Variants in MYT1L observed in about 807,000 individuals in gnomAD.
MYT1L encodes myelin transcription factor 1 like, also known as myelin transcription factor 1-like protein.
Under a neutral mutation model 126.7 loss-of-function variants are expected in MYT1L, and 12 were observed. The observed-to-expected ratio is 0.09, with a 90% confidence interval of 0.06 to 0.15. The LOEUF (loss-of-function observed/expected upper bound fraction) is 0.15, where lower values mean the gene tolerates loss of function less well. MYT1L is among the 10% of genes least tolerant of loss of function. MYT1L has a pLI of 1.00. For synonymous variants in MYT1L, 541 were observed against 604.2 expected, an observed-to-expected ratio of 0.90 and a Z score of 1.53; for missense variants, 979 against 1,585.2, an observed-to-expected ratio of 0.62 and a Z score of 6.49.
chr2:1,943,081 C>G lies in MYT1L; in HGVS notation c.406G>C (p.Glu136Gln). ...EGDREEEEEI[E>Q]EEDEDDDEDG... ...TCGTCATCGTCCTCATCCTCCTCCT[C>G]GATCTCCTCCTCCTCCTCCCGGTCC... Residue 136 changes from glutamate to glutamine, a missense_variant, in exon 9 of 25, where the codon GAG becomes CAG. By Grantham distance (29) the Glu-to-Gln change is conservative (BLOSUM62 2). Coordinates refer to ENST00000647738, the MANE Select transcript of MYT1L (RefSeq NM_001303052.2). This position sits in a 1 kb window ranked among gnomAD's most constrained non-coding sequence, Gnocchi z 4.4. 1.4e-6 allele frequency: 2 copies of G among 1,454,722 alleles called. No individual in the cohort carries two copies. The highest frequency in any genetic ancestry group is 2.5e-5 in the East Asian group (1 of 40,340). 90.1% of individuals were successfully genotyped at this position (1,454,722 alleles called of 1,614,324 possible). A position where few individuals can be genotyped will look rare whatever the true frequency, so the allele number is the denominator to read the frequency against.
chr2:2,119,343 A>G (rs986899544), intron 3 of MYT1L, among the ~76,000 whole-genome samples: 1 of 152,234 alleles, frequency 6.6e-6, no homozygotes, highest in Non-Finnish European at 1.5e-5. Flanking sequence ...ATAAATAGTA[A>G]TCTATGAAAA....
intron 14 of MYT1L, among the ~76,000 whole-genome samples, chr2:1,894,731 C>T (rs1039848138): frequency 6.6e-5 from 10 of 152,168 alleles, no homozygotes; most frequent in Admixed American, 2.0e-4. Context: ...GGTCGGCTGG[C>T]AACCTTGCAC....
intron 19 of MYT1L, among the ~76,000 whole-genome samples, chr2:1,844,578 A>G (rs2148450121): frequency 6.6e-6 from 1 of 152,296 alleles, no homozygotes; most frequent in Admixed American, 6.5e-5. Context: ...TGCTATGTAT[A>G]GGCTGTGCAG....
Position 1,910,190 on chromosome 2 carries a change from T to G in MYT1L, c.1817+50A>C, listed in dbSNP as rs1014597278. Reference sequence around the variant, plus strand: ...CGGGTGTCCCCAGCGCTCCGAGGTGTGGGGCAGACTATGGATAGAGCTCAC... The same window carrying G: ...CGGGTGTCCCCAGCGCTCCGAGGTGGGGGGCAGACTATGGATAGAGCTCAC... On this transcript the variant is annotated intron_variant, in intron 13 of 24. Coordinates refer to ENST00000647738, the MANE Select transcript of MYT1L (RefSeq NM_001303052.2). This position sits in a 1 kb window ranked among gnomAD's most constrained non-coding sequence, Gnocchi z 4.8. 45 of 1,537,448 alleles carry G rather than the reference T, an allele frequency of 2.9e-5. No homozygotes were observed. In the Middle Eastern group the frequency reaches 5.1e-4, roughly 17 times the overall value.
intron 18 of MYT1L, among the ~76,000 whole-genome samples, chr2:1,859,206 A>C (rs1420021336): frequency 6.6e-6 from 1 of 152,352 alleles, no homozygotes. Context: ...TACACATTTC[A>C]AAGTGTGAAG....
At chr2:1,895,960 C>A (rs2049510185) in intron 14 of MYT1L, among the ~76,000 whole-genome samples, 1 of 152,214 alleles carries the variant, frequency 6.6e-6, no homozygotes, top group South Asian at 2.1e-4. Context: ...TGCCTAATAT[C>A]TGACATCTAT....
At chr2:2,060,467 GATCT>G (rs1329242133) in intron 3 of MYT1L, among the ~76,000 whole-genome samples, 1 of 152,080 alleles carries the variant, frequency 6.6e-6, no homozygotes, top group African/African-American at 2.4e-5. Context: ...ATTCAAGAAT[GATCT>G]ATTACTTTAT....
chr2:1,947,867 G>A (rs1018058922), intron 8 of MYT1L, among the ~76,000 whole-genome samples: 1 of 152,238 alleles, frequency 6.6e-6, no homozygotes, highest in African/African-American at 2.4e-5. Flanking sequence ...AGCAGGGTTT[G>A]GTTTAATATG....
intron 2 of MYT1L, among the ~76,000 whole-genome samples, chr2:2,283,221 A>G (rs1428547178): frequency 3.3e-5 from 5 of 152,258 alleles, no homozygotes; most frequent in Non-Finnish European, 7.3e-5. Flanking sequence ...GAAGAATTTT[A>G]AACCAACATA....
chr2:1,821,256 C>T (rs759625620), intron 21 of MYT1L, among the ~76,000 whole-genome samples: 5 of 152,268 alleles, frequency 3.3e-5, no homozygotes, highest in Middle Eastern at 3.4e-3. Flanking sequence ...GCTCTACTCT[C>T]GCTACTTCTT....
At chr2:1,819,674 G>T (rs2148123529) in intron 21 of MYT1L, among the ~76,000 whole-genome samples, 1 of 152,360 alleles carries the variant, frequency 6.6e-6, no homozygotes, top group African/African-American at 2.4e-5. Context: ...ATGGTCCGAT[G>T]ATGTGATGCT....
At chr2:1,925,788 G>A (rs2054153485) in intron 9 of MYT1L, among the ~76,000 whole-genome samples, 2 of 152,128 alleles carry the variant, frequency 1.3e-5, no homozygotes, top group Admixed American at 1.3e-4. Context: ...TCTACAGCTC[G>A]GCGCCCATCA....
At chr2:1,973,692 A>T (rs2059966529) in intron 8 of MYT1L, among the ~76,000 whole-genome samples, 2 of 152,204 alleles carry the variant, frequency 1.3e-5, no homozygotes, top group African/African-American at 4.8e-5. Flanking sequence ...GGTTTCTTTC[A>T]ATGTATCCCT....
intron 2 of MYT1L, among the ~76,000 whole-genome samples, chr2:2,205,045 A>T (rs917578562): frequency 6.9e-6 from 1 of 144,934 alleles, no homozygotes; most frequent in Non-Finnish European, 1.5e-5. Context: ...TCTCACTCAC[A>T]GGTGGGAATT....
In MYT1L at chr2:1,899,270, G is replaced by A. The variant is rs999747403; in HGVS notation, c.2032+3810C>T. Reference sequence around the variant, plus strand: ...CTGTGGGAGCAACCGCAGCCTGCCCGCCAAGCCCTGAGGGCAGCCAGGTGC... The same window carrying A: ...CTGTGGGAGCAACCGCAGCCTGCCCACCAAGCCCTGAGGGCAGCCAGGTGC... On this transcript the variant is annotated intron_variant, in intron 14 of 24. Coordinates refer to ENST00000647738, the MANE Select transcript of MYT1L (RefSeq NM_001303052.2). 9.2e-4 allele frequency among the ~76,000 whole-genome samples: 140 copies of A among 152,248 alleles called. 3 individuals carry two copies. The highest frequency in any genetic ancestry group is 2.2e-4 in the Non-Finnish European group (15 of 68,046).
intron 9 of MYT1L, among the ~76,000 whole-genome samples, chr2:1,932,657 T>TG (rs2055172450): frequency 1.3e-5 from 2 of 151,938 alleles, no homozygotes; most frequent in Non-Finnish European, 2.9e-5. Context: ...GTACGTGGGA[T>TG]GGGGGGTCGG....
chr2:2,058,551 T>G (rs1385584206), intron 3 of MYT1L, among the ~76,000 whole-genome samples: 1 of 152,254 alleles, frequency 6.6e-6, no homozygotes, highest in Non-Finnish European at 1.5e-5. Context: ...GCTATCTAAC[T>G]TATTTGTAAA....
chr2:1,843,500 C>T (rs112599427), intron 19 of MYT1L, among the ~76,000 whole-genome samples: 6,877 of 139,876 alleles, frequency 0.049, 214 homozygotes, highest in South Asian at 0.1. Flanking sequence ...GGGAGAATTA[C>T]GATATCCTAC....
chr2:2,183,706 C>T (rs1377045215), intron 2 of MYT1L, among the ~76,000 whole-genome samples: 2 of 144,206 alleles, frequency 1.4e-5, no homozygotes, highest in Non-Finnish European at 3.0e-5. Context: ...AAACTATATA[C>T]TAGAAAAAAT....
Sources: allele counts gnomAD v4.1 joint callset (sites outside exome capture counted in the v4.1 genomes callset), GRCh38; gene constraint gnomAD v4.1.1; non-coding constraint Gnocchi (gnomAD v3.1); transcripts MANE v1.5; gene names NCBI Gene and HGNC (gene_info 2026-07-23, HGNC 2026-07-21).